The following COG5 variants were observed in gnomAD, a reference collection of about 807,000 sequenced individuals.
COG5 encodes component of oligomeric golgi complex 5, also known as conserved oligomeric Golgi complex subunit 5.
A neutral mutation model predicts 110.4 loss-of-function variants in COG5; 86 were observed. That is an observed-to-expected ratio of 0.78 (90% CI 0.65 to 0.93). The LOEUF (loss-of-function observed/expected upper bound fraction) is 0.93. Ranked by LOEUF, COG5 falls within the 40% of genes least tolerant of loss-of-function variation. The probability of loss-of-function intolerance (pLI) is 0.00; values close to 1 mark genes in which losing one functional copy is unlikely to be tolerated. For synonymous variants in COG5, 360 were observed against 334.6 expected, an observed-to-expected ratio of 1.08 and a Z score of -0.83; for missense variants, 1,077 against 987.0, an observed-to-expected ratio of 1.09 and a Z score of -1.22.
intron 7 of COG5, among the ~76,000 whole-genome samples, chr7:107,387,060 G>T (rs1790257355): frequency 6.6e-6 from 1 of 152,192 alleles, no homozygotes. Flanking sequence ...TTAAGCAAGT[G>T]GCATTAGAAG....
intron 17 of COG5, among the ~76,000 whole-genome samples, chr7:107,238,696 G>C (rs1801389282): frequency 6.6e-6 from 1 of 152,164 alleles, no homozygotes; most frequent in Non-Finnish European, 1.5e-5. Flanking sequence ...AATTCTGACA[G>C]GTGTGAGGTG....
intron 10 of COG5, among the ~76,000 whole-genome samples, chr7:107,333,229 C>T (rs1279559064): frequency 6.6e-6 from 1 of 152,068 alleles, no homozygotes; most frequent in Non-Finnish European, 1.5e-5. Flanking sequence ...GGATTCAAAG[C>T]AGAGGGATCC....
At chr7:107,210,986 G>A (rs949881002) in intron 20 of COG5, 113 bp downstream of exon 20, 3 of 1,216,130 alleles carry the variant, frequency 2.5e-6, no homozygotes, top group Admixed American at 1.7e-5. Context: ...ATAGACATAA[G>A]CAACTAAACA....
chr7:107,317,041 T>C (rs1388948838), intron 11 of COG5, among the ~76,000 whole-genome samples: 1 of 152,066 alleles, frequency 6.6e-6, no homozygotes, highest in Non-Finnish European at 1.5e-5. Flanking sequence ...AACTTTTGCT[T>C]ATGGTCACAA....
intron 5 of COG5, among the ~76,000 whole-genome samples, chr7:107,547,132 A>G (rs1432683218): frequency 6.6e-6 from 1 of 152,234 alleles, no homozygotes. Flanking sequence ...TCAACAAAAT[A>G]CTAGCCAATC....
chr7:107,238,945 C>T (rs1006892685), intron 17 of COG5, among the ~76,000 whole-genome samples: 1 of 152,160 alleles, frequency 6.6e-6, no homozygotes, highest in Non-Finnish European at 1.5e-5. Context: ...TAGGTTGTCA[C>T]TCCACTTGTT....
At chr7:107,283,442 A>G in intron 13 of COG5, 129 bp downstream of exon 13, 4 of 761,718 alleles carry the variant, frequency 5.3e-6, no homozygotes, top group South Asian at 1.8e-5. Context: ...TTACTATAAA[A>G]TTCTTAATTT....
At chr7:107,408,265 A>C (rs1320231660) in intron 7 of COG5, among the ~76,000 whole-genome samples, 1 of 152,244 alleles carries the variant, frequency 6.6e-6, no homozygotes, top group Non-Finnish European at 1.5e-5. Context: ...AACTGAAACT[A>C]AATGGCCTAT....
intron 18 of COG5, among the ~76,000 whole-genome samples, chr7:107,234,194 T>C (rs1800985194): frequency 6.6e-6 from 1 of 152,162 alleles, no homozygotes; most frequent in African/African-American, 2.4e-5. Context: ...TGCAACCAAA[T>C]GTCACTGCAG....
At chr7:107,254,612 C>G (rs758531323) in intron 16 of COG5, among the ~76,000 whole-genome samples, 14 of 152,048 alleles carry the variant, frequency 9.2e-5, no homozygotes, top group Non-Finnish European at 1.9e-4. Context: ...CAGCACTGGT[C>G]CTGGTAAGCA....
intron 6 of COG5, among the ~76,000 whole-genome samples, chr7:107,417,120 C>A (rs1792905313): frequency 6.6e-6 from 1 of 152,166 alleles, no homozygotes; most frequent in South Asian, 2.1e-4. Flanking sequence ...AGGGTCTGGG[C>A]AGCTGGCGAC....
chr7:107,207,815 C>G (rs1430184545), intron 21 of COG5: 1 of 985,328 alleles, frequency 1.0e-6, no homozygotes, highest in African/African-American at 1.7e-5. Context: ...CTCCAGAAAG[C>G]ATCTGGTGTC....
Position 107,474,170 on chromosome 7 carries a change from C to T in COG5, c.538+53067G>A, listed in dbSNP as rs931689670. On this transcript the variant is annotated intron_variant, in intron 6 of 21. Coordinates refer to ENST00000297135, the MANE Select transcript of COG5 (RefSeq NM_006348.5). This position sits in a 1 kb window ranked among gnomAD's most constrained non-coding sequence, Gnocchi z 5.7. Reference sequence around the variant, plus strand: ...AATATGTACCAACCACTATCATATCCGTTAAGCTTTCAAGTGTCTCTCACC... The same window carrying T: ...AATATGTACCAACCACTATCATATCTGTTAAGCTTTCAAGTGTCTCTCACC... 3.7e-6 allele frequency: 6 copies of T among 1,611,626 alleles called. No homozygotes were observed. Among genetic ancestry groups the T allele is most frequent in the Non-Finnish European group, 5.1e-6 (6 of 1,178,134 alleles).
At chr7:107,260,464 G>A (rs1803244896) in intron 14 of COG5, among the ~76,000 whole-genome samples, 1 of 152,030 alleles carries the variant, frequency 6.6e-6, no homozygotes, top group Non-Finnish European at 1.5e-5. Context: ...TGCTTATTAG[G>A]GTGATGAAAT....
intron 10 of COG5, among the ~76,000 whole-genome samples, chr7:107,336,658 T>C (rs1479789989): frequency 6.6e-6 from 1 of 152,210 alleles, no homozygotes; most frequent in Non-Finnish European, 1.5e-5. Flanking sequence ...AATATGTATA[T>C]CTATTACAAA....
chr7:107,346,982 T>G (rs1811669035), intron 10 of COG5, among the ~76,000 whole-genome samples: 1 of 152,152 alleles, frequency 6.6e-6, no homozygotes, highest in Non-Finnish European at 1.5e-5. Flanking sequence ...TGAGAAAGTG[T>G]TCACCATTTC....
At chr7:107,405,398 T>C (rs939800234) in intron 7 of COG5, among the ~76,000 whole-genome samples, 3 of 152,158 alleles carry the variant, frequency 2.0e-5, no homozygotes, top group African/African-American at 7.2e-5. Context: ...GAAAAGGCAC[T>C]AGCTCCCAAA....
chr7:107,316,360 A>G (rs1808737646), intron 11 of COG5, among the ~76,000 whole-genome samples: 1 of 152,160 alleles, frequency 6.6e-6, no homozygotes, highest in Non-Finnish European at 1.5e-5. Context: ...GTGACCTTGA[A>G]GAAGAAGTTA....
chr7:107,207,299 C>T (rs1443080647), intron 21 of COG5, among the ~76,000 whole-genome samples: 1 of 152,170 alleles, frequency 6.6e-6, no homozygotes, highest in Admixed American at 6.5e-5. Flanking sequence ...CATTTCCCTC[C>T]ATCGATGGAG....
Sources: gnomAD v4.1 joint callset for allele counts (sites outside exome capture counted in the v4.1 genomes callset) on GRCh38, gnomAD v4.1.1 for gene constraint, Gnocchi (gnomAD v3.1) non-coding constraint, MANE v1.5 for transcripts, NCBI Gene and HGNC (gene_info 2026-07-23, HGNC 2026-07-21) for gene names.